PPP2R2B: variants seen among roughly 807,000 people sequenced by gnomAD.
PPP2R2B encodes serine/threonine-protein phosphatase 2A 55 kDa regulatory subunit B beta isoform.
In PPP2R2B, 5 loss-of-function variants were observed where a neutral mutation model predicts 46.0. That is an observed-to-expected ratio of 0.11 (90% CI 0.06 to 0.23). PPP2R2B has a LOEUF of 0.23. PPP2R2B is among the 10% of genes least tolerant of loss of function. The pLI is 1.00. For missense variants in PPP2R2B, 367 were observed against 575.0 expected (o/e 0.64, Z 3.70); for synonymous variants, 215 against 206.7 (o/e 1.04, Z -0.34).
chr5:146,977,807 G>A (rs1442648919), intron 1 of PPP2R2B, among the ~76,000 whole-genome samples: 1 of 152,122 alleles, frequency 6.6e-6, no homozygotes, highest in Admixed American at 6.6e-5. Flanking sequence ...CTAAGTCTTT[G>A]ATATTGTGAA....
intron 2 of PPP2R2B, among the ~76,000 whole-genome samples, chr5:146,719,631 G>C (rs1280712100): frequency 6.6e-6 from 1 of 152,128 alleles, no homozygotes; most frequent in Non-Finnish European, 1.5e-5. Context: ...CTGGATCCCA[G>C]ATAAGGCAGA....
chr5:146,896,785 T>C (rs1282483772), intron 1 of PPP2R2B, among the ~76,000 whole-genome samples: 1 of 151,906 alleles, frequency 6.6e-6, no homozygotes, highest in Non-Finnish European at 1.5e-5. Flanking sequence ...AAGGCGTTAG[T>C]GGGGGTTGTC....
intron 5 of PPP2R2B, among the ~76,000 whole-genome samples, chr5:146,685,144 T>C (rs1346793958): frequency 2.6e-5 from 4 of 152,204 alleles, no homozygotes; most frequent in African/African-American, 4.8e-5. Context: ...CATCAGATGT[T>C]GTCATCCTCA....
chr5:147,077,651 G>A (rs1757829546), intron 2 of PPP2R2B, among the ~76,000 whole-genome samples: 1 of 152,102 alleles, frequency 6.6e-6, no homozygotes, highest in South Asian at 2.1e-4. Flanking sequence ...CAGTGCTAGT[G>A]GAGGTTAAAT....
intron 5 of PPP2R2B, among the ~76,000 whole-genome samples, chr5:146,663,155 T>C (rs758547023): frequency 2.0e-5 from 3 of 152,204 alleles, no homozygotes; most frequent in Non-Finnish European, 4.4e-5. Context: ...TCAGCATATC[T>C]GAGACACAAA....
intron 1 of PPP2R2B, among the ~76,000 whole-genome samples, chr5:147,023,448 T>C (rs1364694988): frequency 6.6e-6 from 1 of 152,066 alleles, no homozygotes; most frequent in African/African-American, 2.4e-5. Flanking sequence ...GATTGACAGA[T>C]TGGATAAAAA....
At chr5:147,059,210 C>A (rs1757183981), upstream of PPP2R2B, among the ~76,000 whole-genome samples, 1 of 152,086 alleles carries the variant, frequency 6.6e-6, no homozygotes, top group Non-Finnish European at 1.5e-5. Flanking sequence ...TTTAATAAAG[C>A]CACATATGGG....
At chr5:146,847,395 T>C (rs569928433) in intron 2 of PPP2R2B, among the ~76,000 whole-genome samples, 2 of 152,354 alleles carry the variant, frequency 1.3e-5, no homozygotes, top group South Asian at 2.1e-4. Context: ...GCCATGCTTC[T>C]TTTGGTTTTT....
chr5:146,812,791 G>GTATATATATATATATATATATATATGTA (rs1239921320), intron 2 of PPP2R2B, among the ~76,000 whole-genome samples: 1 of 9,946 alleles, frequency 1.0e-4, no homozygotes. Flanking sequence ...GTGTATATGT[G>GTATATATATATATATATATATATATGTA]TGTATATATA....
chr5:146,733,428 A>G (rs1752349037), intron 2 of PPP2R2B, among the ~76,000 whole-genome samples: 1 of 152,246 alleles, frequency 6.6e-6, no homozygotes, highest in East Asian at 1.9e-4. Context: ...CATATTTTAA[A>G]TAAATGAATA....
At chr5:146,678,206 G>A (rs1290207605) in intron 5 of PPP2R2B, among the ~76,000 whole-genome samples, 2 of 152,006 alleles carry the variant, frequency 1.3e-5, no homozygotes, top group African/African-American at 4.8e-5. Flanking sequence ...GATCAAGTGG[G>A]CTTCATCCCT....
intron 2 of PPP2R2B, among the ~76,000 whole-genome samples, chr5:147,080,401 T>C (rs1757938293): frequency 6.6e-6 from 1 of 152,230 alleles, no homozygotes; most frequent in African/African-American, 2.4e-5. Context: ...CCAGAAGTGC[T>C]ATTCTAGTTC....
rs145736914 is a variant in PPP2R2B, at chr5:147,062,600, G to A, written c.50+18459C>T. ...GGTAACATTCCAGTACAGGCTTTCC[G>A]CTTATTCCTTCCCTCAGGCTGTCCC... is the stretch of plus-strand genomic sequence containing the variant. On this transcript the variant is annotated intron_variant, in intron 2 of 10. Transcript: ENST00000394413. Among the ~76,000 whole-genome samples, 11 of 152,128 alleles carry A rather than the reference G, an allele frequency of 7.2e-5. No homozygotes were observed. The East Asian group carries it at 2.1e-3, about 30-fold the overall frequency.
intron 7 of PPP2R2B, among the ~76,000 whole-genome samples, chr5:146,624,449 A>C (rs1214278446): frequency 6.6e-6 from 1 of 152,038 alleles, no homozygotes; most frequent in Non-Finnish European, 1.5e-5. Context: ...TATTAACTTT[A>C]CACTCAAAGT....
chr5:146,586,805 A>G lies in PPP2R2B; in HGVS notation c.*3142T>C, dbSNP rs115336809. Reference sequence around the variant, plus strand: ...TGATTCCCACTGCCCATCTGCCTTTATATATCCCACTTCTTGATGCTGGCT... The same window carrying G: ...TGATTCCCACTGCCCATCTGCCTTTGTATATCCCACTTCTTGATGCTGGCT... On this transcript the variant is annotated 3_prime_UTR_variant, in exon 10 of 10. Transcript: ENST00000394411. 6.6e-6 allele frequency: 1 copy of G among 152,312 alleles called. No homozygotes were observed. The highest frequency in any genetic ancestry group is 2.4e-5 in the African/African-American group (1 of 41,566). 9.4% of individuals were successfully genotyped at this position (152,312 alleles called of 1,614,324 possible). A position where few individuals can be genotyped will look rare whatever the true frequency, so the allele number is the denominator to read the frequency against.
Position 147,062,114 on chromosome 5 carries a change from G to T in PPP2R2B, c.50+18945C>A, listed in dbSNP as rs1757277642. On this transcript the variant is annotated intron_variant, in intron 2 of 10. Transcript: ENST00000394413. ...AAGATTATAATACCGTATTTTTCCT[G>T]GACCTTTTCTATGTTTAGATATGTT... Among the ~76,000 whole-genome samples, 4 of 152,198 alleles carry T rather than the reference G, an allele frequency of 2.6e-5. No homozygotes were observed. In the South Asian group the frequency reaches 8.3e-4, roughly 32 times the overall value.
intron 1 of PPP2R2B, among the ~76,000 whole-genome samples, chr5:146,979,558 AACACACACACAC>A (rs34864782): frequency 2.6e-4 from 36 of 137,352 alleles, no homozygotes; most frequent in Middle Eastern, 3.8e-3. Flanking sequence ...CCCACCTTGA[AACACACACACAC>A]ACACACACAC....
At chr5:146,653,734 G>C (rs989258890) in intron 5 of PPP2R2B, among the ~76,000 whole-genome samples, 51 of 152,178 alleles carry the variant, frequency 3.4e-4, no homozygotes, top group Non-Finnish European at 4.4e-4. Context: ...TTAATGTGAT[G>C]GGCCTGCCTG....
At chr5:146,999,742 TG>T (rs1478419954) in intron 1 of PPP2R2B, among the ~76,000 whole-genome samples, 3 of 152,086 alleles carry the variant, frequency 2.0e-5, no homozygotes, top group Non-Finnish European at 4.4e-5. Flanking sequence ...GTTGAATGGG[TG>T]GGAAGCAGTG....
Sources: gnomAD v4.1 joint callset for allele counts (sites outside exome capture counted in the v4.1 genomes callset) on GRCh38, gnomAD v4.1.1 for gene constraint, MANE v1.5 for transcripts, NCBI Gene and HGNC (gene_info 2026-07-23, HGNC 2026-07-21) for gene names.